The following SORCS1 variants were observed in gnomAD, a reference collection of about 807,000 sequenced individuals.
SORCS1 encodes the protein sortilin related VPS10 domain containing receptor 1.
SORCS1 carries 60 observed loss-of-function variants against 146.1 expected under a neutral mutation model. That is an observed-to-expected ratio of 0.41 (90% CI 0.33 to 0.51). SORCS1 has a LOEUF of 0.51. Ranked by LOEUF, SORCS1 falls within the 20% of genes least tolerant of loss-of-function variation. The pLI, the probability that SORCS1 is intolerant of heterozygous loss-of-function variation, is 0.21. For missense variants in SORCS1, 1,352 were observed against 1,487.6 expected, an observed-to-expected ratio of 0.91 and a Z score of 1.50; for synonymous variants, 637 against 584.0, an observed-to-expected ratio of 1.09 and a Z score of -1.31.
intron 1 of SORCS1, among the ~76,000 whole-genome samples, chr10:106,957,380 T>C (rs922685837): frequency 4.6e-5 from 7 of 151,798 alleles, no homozygotes; most frequent in African/African-American, 1.7e-4. Context: ...CCATGTTGGG[T>C]AGGCTGGTCT....
intron 1 of SORCS1, among the ~76,000 whole-genome samples, chr10:106,986,903 T>C (rs1444343235): frequency 6.6e-6 from 1 of 152,222 alleles, no homozygotes; most frequent in Non-Finnish European, 1.5e-5. Flanking sequence ...ATATTTGCAA[T>C]AGTTGCTTTA....
At chr10:107,002,640 G>A (rs1042126026) in intron 1 of SORCS1, among the ~76,000 whole-genome samples, 2 of 152,102 alleles carry the variant, frequency 1.3e-5, no homozygotes. Flanking sequence ...TGCTGGAATT[G>A]CATACCTGCA....
chr10:107,038,831 C>A (rs1253056251), intron 1 of SORCS1, among the ~76,000 whole-genome samples: 1 of 152,006 alleles, frequency 6.6e-6, no homozygotes, highest in Non-Finnish European at 1.5e-5. Context: ...AGAAAAGTTA[C>A]CAAAACCGAA....
intron 3 of SORCS1, among the ~76,000 whole-genome samples, chr10:106,815,893 C>A (rs1043417456): frequency 2.0e-5 from 3 of 152,174 alleles, no homozygotes; most frequent in Non-Finnish European, 4.4e-5. Flanking sequence ...CAAGAAGAGG[C>A]CAGTTCTTTC....
At chr10:106,807,323 G>A (rs965781132) in intron 3 of SORCS1, among the ~76,000 whole-genome samples, 2 of 152,158 alleles carry the variant, frequency 1.3e-5, no homozygotes, top group Non-Finnish European at 2.9e-5. Flanking sequence ...ATGGTAAACT[G>A]TCTTTTTTGA....
At chr10:106,671,446 G>T in intron 15 of SORCS1, 79 bp from the exon 16 acceptor site, 2 of 1,575,732 alleles carry the variant, frequency 1.3e-6, no homozygotes, top group African/African-American at 2.7e-5. Context: ...CATTTAGGGA[G>T]ACATTTGCAC....
chr10:107,017,632 AT>A (rs1050956837), intron 1 of SORCS1, among the ~76,000 whole-genome samples: 1 of 151,838 alleles, frequency 6.6e-6, no homozygotes, highest in Non-Finnish European at 1.5e-5. Flanking sequence ...CCACAGAATA[AT>A]TTTTTTTAAG....
intron 10 of SORCS1, among the ~76,000 whole-genome samples, chr10:106,686,281 A>G (rs912963699): frequency 6.6e-6 from 1 of 152,152 alleles, no homozygotes; most frequent in Non-Finnish European, 1.5e-5. Flanking sequence ...ATATTTTGGA[A>G]GTACAACAAT....
chr10:107,076,043 T>A (rs1962855037), intron 1 of SORCS1, among the ~76,000 whole-genome samples: 1 of 152,160 alleles, frequency 6.6e-6, no homozygotes, highest in African/African-American at 2.4e-5. Flanking sequence ...TAAGTGACTT[T>A]CTGTACAGTG....
At chr10:106,901,645 A>C (rs1951707946) in intron 2 of SORCS1, among the ~76,000 whole-genome samples, 1 of 152,188 alleles carries the variant, frequency 6.6e-6, no homozygotes, top group South Asian at 2.1e-4. Flanking sequence ...CATGTTGCCC[A>C]GGCTGGTCTC....
At chr10:107,104,546 G>A (rs1965172125) in intron 1 of SORCS1, among the ~76,000 whole-genome samples, 1 of 152,088 alleles carries the variant, frequency 6.6e-6, no homozygotes, top group Non-Finnish European at 1.5e-5. Context: ...CTGGAGAACA[G>A]TAAAGGAACA....
Position 106,621,700 on chromosome 10 carries a change from T to C in SORCS1, c.2663-1139A>G, listed in dbSNP as rs575942651. 1.2e-4 allele frequency among the ~76,000 whole-genome samples: 18 copies of C among 152,120 alleles called. No homozygotes were observed. The South Asian group carries it at 3.7e-3, about 32-fold the overall frequency. On this transcript the variant is annotated intron_variant, in intron 19 of 25. Coordinates refer to ENST00000263054, the MANE Select transcript of SORCS1 (RefSeq NM_052918.5). ...TCTACAGTTTGGTGATTAACACTCA[T>C]ATTCATCCAGGAGCCCACTCCAGAA...
At position 106,807,781 on chromosome 10, in the gene SORCS1, T is replaced by G. The variant is rs948461559; in HGVS notation, c.726+21793A>C. 1.2e-4 allele frequency among the ~76,000 whole-genome samples: 19 copies of G among 152,248 alleles called. 1 individual carries two copies. The highest frequency in any genetic ancestry group is 1.2e-3 in the Admixed American group (19 of 15,284). The stretch of plus-strand genomic sequence containing the variant: ...ACTATGTTTGGGTCAAAACAGTTTC[T>G]GGAGTGAAGTCATTTAAGGAATACA... On this transcript the variant is annotated intron_variant, in intron 3 of 25. Transcript: ENST00000263054.
At chr10:106,722,148 C>CACACAT (rs1468918173) in intron 6 of SORCS1, among the ~76,000 whole-genome samples, 204 of 148,656 alleles carry the variant, frequency 1.4e-3, no homozygotes, top group African/African-American at 4.6e-3. Context: ...CACACACACA[C>CACACAT]ATATATATAT....
intron 1 of SORCS1, among the ~76,000 whole-genome samples, chr10:107,038,261 A>G (rs1230592725): frequency 6.6e-6 from 1 of 152,206 alleles, no homozygotes; most frequent in African/African-American, 2.4e-5. Context: ...ACGAAAAGAA[A>G]AACAAATTTC....
At chr10:106,989,696 T>C (rs541312869) in intron 1 of SORCS1, among the ~76,000 whole-genome samples, 2 of 133,960 alleles carry the variant, frequency 1.5e-5, no homozygotes, top group Non-Finnish European at 3.2e-5. Flanking sequence ...TTTTTTTTTT[T>C]TTTTTTCTGA....
chr10:106,948,906 A>G (rs1025323949), intron 2 of SORCS1, among the ~76,000 whole-genome samples: 1 of 152,156 alleles, frequency 6.6e-6, no homozygotes, highest in African/African-American at 2.4e-5. Context: ...GCTTGCAGTA[A>G]GCTGAGATCA....
At chr10:106,599,115 G>A (rs1020060771) in intron 23 of SORCS1, among the ~76,000 whole-genome samples, 3 of 152,098 alleles carry the variant, frequency 2.0e-5, no homozygotes, top group African/African-American at 7.2e-5. Flanking sequence ...GGGCACAGTG[G>A]CTCACTTTGG....
At position 106,629,389 on chromosome 10, in the gene SORCS1, C is replaced by T. The variant is rs1848299745; in HGVS notation, c.2476-1G>A. Reference sequence around the variant, plus strand: ...GGATGAGTGTCCGCTGAACATCACCCTGAAAAACAACCCAACATCAGAGGA... The same window carrying T: ...GGATGAGTGTCCGCTGAACATCACCTTGAAAAACAACCCAACATCAGAGGA... On this transcript the variant is annotated splice_acceptor_variant, in intron 18 of 25. Transcript: ENST00000263054. LOFTEE classifies it high-confidence loss of function. The T allele has an allele frequency of 6.2e-7, 1 of 1,613,434 alleles. No individual in the cohort carries two copies. Among genetic ancestry groups the T allele is most frequent in the African/African-American group, 1.3e-5 (1 of 74,932 alleles).
Sources: allele counts gnomAD v4.1 joint callset (sites outside exome capture counted in the v4.1 genomes callset), GRCh38; gene constraint gnomAD v4.1.1; transcripts MANE v1.5; gene names NCBI Gene and HGNC (gene_info 2026-07-23, HGNC 2026-07-21).